VSTM5: variants seen among roughly 807,000 people sequenced by gnomAD.
VSTM5 encodes V-set and transmembrane domain-containing protein 5.
In VSTM5, 21 loss-of-function variants were observed where a neutral mutation model predicts 20.3. That is an observed-to-expected ratio of 1.03 (90% CI 0.73 to 1.49). The LOEUF is 1.49. Ranked by LOEUF, VSTM5 falls within the 40% of genes most tolerant of loss-of-function variation. The probability of loss-of-function intolerance (pLI) is 0.00; values close to 1 mark genes in which losing one functional copy is unlikely to be tolerated. For synonymous variants in VSTM5, 100 were observed against 102.5 expected (o/e 0.98, Z 0.14); for missense variants, 219 against 250.0 (o/e 0.88, Z 0.84).
chr11:93,848,606 G>A (rs566163297), intron 1 of VSTM5, among the ~76,000 whole-genome samples: 5 of 152,346 alleles, frequency 3.3e-5, no homozygotes, highest in African/African-American at 1.2e-4. Context: ...TCTGGATTCT[G>A]AGACGCTAGG....
intron 1 of VSTM5, among the ~76,000 whole-genome samples, chr11:93,846,643 G>A (rs1234958205): frequency 6.6e-6 from 1 of 152,116 alleles, no homozygotes; most frequent in African/African-American, 2.4e-5. Flanking sequence ...GATGACATAT[G>A]TAGAGAAGTT....
intron 1 of VSTM5, among the ~76,000 whole-genome samples, chr11:93,837,003 A>G (rs1258850274): frequency 1.7e-5 from 2 of 120,958 alleles, no homozygotes; most frequent in Non-Finnish European, 3.3e-5. Flanking sequence ...TTGCCTGAAA[A>G]AAAAAATGCA....
In VSTM5 at chr11:93,818,972, TCGC is replaced by T. The variant is rs1944156054; in HGVS notation, c.*1594_*1596del. ...CATCCGTTGTGTAGACCAACTGCTG[TCGC>T]CTTTTGAATCAAGCAGTGCCTTGGG... On this transcript the variant is annotated 3_prime_UTR_variant, in exon 4 of 4. Coordinates refer to ENST00000409977, the MANE Select transcript of VSTM5 (RefSeq NM_001144871.2). 1.3e-5 allele frequency: 2 copies of T among 152,172 alleles called. No homozygotes were observed. The highest frequency in any genetic ancestry group is 1.3e-4 in the Admixed American group (2 of 15,276). 9.4% of individuals were successfully genotyped at this position (152,172 alleles called of 1,614,324 possible).
chr11:93,821,509 C>T lies in VSTM5; in HGVS notation c.92-186G>A, dbSNP rs189124467. ...CACAAGGCTCCCTGGAGATAGAGCT[C>T]TCTACACACAGAGCAACCTTTTTCC... On this transcript the variant is annotated intron_variant, in intron 1 of 3. Coordinates refer to ENST00000409977, the MANE Select transcript of VSTM5 (RefSeq NM_001144871.2). 2.6e-4 allele frequency: 158 copies of T among 610,028 alleles called. 1 individual carries two copies. In the Admixed American group the frequency reaches 3.1e-3, roughly 12 times the overall value. The allele number at this position is 610,028 out of a possible 1,614,324, so 37.8% of individuals were successfully genotyped here. A position where few individuals can be genotyped will look rare whatever the true frequency, so the allele number is the denominator to read the frequency against.
Position 93,821,168 on chromosome 11 carries a change from GTTT to G in VSTM5, c.244_246del (p.Lys82del). The G allele has an allele frequency of 6.4e-7, 1 of 1,552,182 alleles. No homozygotes were observed. Among genetic ancestry groups the G allele is most frequent in the Non-Finnish European group, 8.7e-7 (1 of 1,147,100 alleles). Reference sequence around the variant, plus strand: ...TGAGAGATGTTGGCCTGAGTCCCTGGTTTCCACTCCACGATCTTCTGCGTTCCC... The same window carrying G: ...TGAGAGATGTTGGCCTGAGTCCCTGGCCACTCCACGATCTTCTGCGTTCCC... On this transcript the variant is annotated inframe_deletion, in exon 2 of 4. Transcript: ENST00000409977.
At chr11:93,845,406 G>A (rs935716194) in intron 1 of VSTM5, among the ~76,000 whole-genome samples, 1 of 152,196 alleles carries the variant, frequency 6.6e-6, no homozygotes, top group Non-Finnish European at 1.5e-5. Flanking sequence ...AGAAAGCCTA[G>A]CATGCTCCCT....
chr11:93,831,547 G>T (rs780245056), intron 1 of VSTM5, among the ~76,000 whole-genome samples: 41 of 152,180 alleles, frequency 2.7e-4, no homozygotes, highest in Non-Finnish European at 2.8e-4. Flanking sequence ...CCCTCTCAGT[G>T]CCTGATTGCT....
In VSTM5 at chr11:93,850,586, C is replaced by A. The variant is rs1944452109; in HGVS notation, c.-84G>T. On this transcript the variant is annotated 5_prime_UTR_variant, in exon 1 of 4. Transcript: ENST00000409977. ...CTATGCAGCCTTCTCTCTTCCTCCG[C>A]CTCTGGCTGCCGCAGGTTCTTTAGG... 2 of 943,834 alleles carry A rather than the reference C, an allele frequency of 2.1e-6. No homozygotes were observed. Among genetic ancestry groups the A allele is most frequent in the Non-Finnish European group, 3.0e-6 (2 of 675,770 alleles). The allele number at this position is 943,834 out of a possible 1,614,324, so 58.5% of individuals were successfully genotyped here. A position where few individuals can be genotyped will look rare whatever the true frequency, so the allele number is the denominator to read the frequency against.
At chr11:93,840,688 A>C (rs1035720497) in intron 1 of VSTM5, among the ~76,000 whole-genome samples, 4 of 152,134 alleles carry the variant, frequency 2.6e-5, no homozygotes, top group Admixed American at 1.3e-4. Flanking sequence ...CAAAACTCTA[A>C]CACAGTGGTT....
intron 1 of VSTM5, among the ~76,000 whole-genome samples, chr11:93,842,029 G>A (rs1944374282): frequency 6.6e-6 from 1 of 152,178 alleles, no homozygotes; most frequent in African/African-American, 2.4e-5. Flanking sequence ...AGGAAATAAG[G>A]ATAATATAAT....
intron 1 of VSTM5, among the ~76,000 whole-genome samples, chr11:93,850,088 G>T (rs963709926): frequency 3.3e-5 from 5 of 152,222 alleles, no homozygotes; most frequent in African/African-American, 9.6e-5. Context: ...GCTGGGAGCC[G>T]GTTATCTCTG....
At chr11:93,837,068 G>C (rs1056661758) in intron 1 of VSTM5, among the ~76,000 whole-genome samples, 1 of 149,838 alleles carries the variant, frequency 6.7e-6, no homozygotes, top group African/African-American at 2.5e-5. Context: ...GTCTTGCTCT[G>C]TTGCCCAGGC....
intron 1 of VSTM5, among the ~76,000 whole-genome samples, chr11:93,825,927 A>C (rs1441644388): frequency 6.7e-6 from 1 of 149,400 alleles, no homozygotes; most frequent in African/African-American, 2.5e-5. Flanking sequence ...CAAAACTAAG[A>C]GTTGATTTTA....
At chr11:93,842,840 G>A (rs975131626) in intron 1 of VSTM5, among the ~76,000 whole-genome samples, 3 of 152,334 alleles carry the variant, frequency 2.0e-5, no homozygotes, top group Admixed American at 6.5e-5. Flanking sequence ...AGCGGCTCAT[G>A]CCTGTAATCC....
intron 1 of VSTM5, among the ~76,000 whole-genome samples, chr11:93,841,838 A>C (rs909746615): frequency 6.6e-6 from 1 of 152,192 alleles, no homozygotes; most frequent in Non-Finnish European, 1.5e-5. Flanking sequence ...ACCAGGGTCA[A>C]TGGATCAAGA....
chr11:93,846,203 G>A (rs79344875), intron 1 of VSTM5, among the ~76,000 whole-genome samples: 6 of 117,138 alleles, frequency 5.1e-5, no homozygotes, highest in South Asian at 2.8e-4. Context: ...GATATAGTAA[G>A]TTTTTTTTTG....
chr11:93,837,099 T>C (rs985380226), intron 1 of VSTM5, among the ~76,000 whole-genome samples: 15 of 151,952 alleles, frequency 9.9e-5, no homozygotes, highest in Non-Finnish European at 2.1e-4. Flanking sequence ...TGTCATGATC[T>C]TGGCTCACTG....
At chr11:93,840,444 TATTAGA>T in intron 1 of VSTM5, among the ~76,000 whole-genome samples, 1 of 152,310 alleles carries the variant, frequency 6.6e-6, no homozygotes, top group East Asian at 1.9e-4. Context: ...GAAGACCATT[TATTAGA>T]ATTCCTTTAC....
chr11:93,850,543 C>CA lies in VSTM5; in HGVS notation c.-42_-41insT. 6.8e-7 allele frequency: 1 copy of CA among 1,479,352 alleles called. No homozygotes were observed. Among genetic ancestry groups the CA allele is most frequent in the Non-Finnish European group, 9.2e-7 (1 of 1,092,048 alleles). The allele number at this position is 1,479,352 out of a possible 1,614,324, so 91.6% of individuals were successfully genotyped here. ...CTCGCGGGCCGGGGTGTGTGCTGGC[C>CA]GCACCGCGCTGCAGCTCCTATGCAG... On this transcript the variant is annotated 5_prime_UTR_variant, in exon 1 of 4. Coordinates refer to ENST00000409977, the MANE Select transcript of VSTM5 (RefSeq NM_001144871.2).
Sources: gnomAD v4.1 joint callset for allele counts (sites outside exome capture counted in the v4.1 genomes callset) on GRCh38, gnomAD v4.1.1 for gene constraint, MANE v1.5 for transcripts, NCBI Gene and HGNC (gene_info 2026-07-23, HGNC 2026-07-21) for gene names.